TOM1L1: variants seen among roughly 807,000 people sequenced by gnomAD.
TOM1L1 encodes the protein TOM1-like protein 1.
In TOM1L1, 64 loss-of-function variants were observed where a neutral mutation model predicts 63.4. The observed-to-expected ratio is 1.01, with a 90% CI of 0.83 to 1.24. TOM1L1 has a LOEUF of 1.24. Ranked by LOEUF, TOM1L1 falls within the 50% of genes most tolerant of loss-of-function variation. TOM1L1 has a pLI of 0.00. For synonymous variants in TOM1L1, 166 were observed against 194.4 expected, an observed-to-expected ratio of 0.85 and a Z score of 1.22; for missense variants, 536 against 567.0, an observed-to-expected ratio of 0.95 and a Z score of 0.55.
chr17:54,930,116 A>T lies in TOM1L1; in HGVS notation c.764A>T (p.Asp255Val). 1 of 1,614,112 alleles carries T rather than the reference A, an allele frequency of 6.2e-7. No individual in the cohort carries two copies. The highest frequency in any genetic ancestry group is 8.5e-7 in the Non-Finnish European group (1 of 1,180,004). ...CGGGAGATGCAGGAGAGGATCATGGACCTGCTTGTGGTGGTGGAGAACGAA... is the reference window on the plus strand; with the variant it reads ...CGGGAGATGCAGGAGAGGATCATGGTCCTGCTTGTGGTGGTGGAGAACGAA... ...TGREMQERIM[D>V]LLVVVENEDV... Residue 255 changes from aspartate to valine, a missense_variant, in exon 8 of 16, where the codon GAC becomes GTC. Asp to Val is a radical substitution (Grantham distance 152). Transcript: ENST00000575882.
intron 11 of TOM1L1, among the ~76,000 whole-genome samples, chr17:54,943,975 CT>C (rs1166952043): frequency 6.8e-6 from 1 of 148,106 alleles, no homozygotes; most frequent in African/African-American, 2.5e-5. Context: ...GAGACTCTGT[CT>C]CAAATAAATA....
At chr17:54,943,550 G>C (rs1349234114) in intron 11 of TOM1L1, among the ~76,000 whole-genome samples, 1 of 148,554 alleles carries the variant, frequency 6.7e-6, no homozygotes, top group Non-Finnish European at 1.5e-5. Context: ...TGCTAATTTT[G>C]TTAGCAAAAT....
intron 11 of TOM1L1, 76 bp from the exon 12 acceptor site, chr17:54,947,185 C>G: frequency 1.4e-6 from 2 of 1,434,342 alleles, no homozygotes; most frequent in South Asian, 2.3e-5. Context: ...TGTTTTTAGA[C>G]TAGGAAAATT....
At chr17:54,927,388 C>A (rs937095354) in intron 7 of TOM1L1, among the ~76,000 whole-genome samples, 2 of 152,110 alleles carry the variant, frequency 1.3e-5, no homozygotes, top group African/African-American at 4.8e-5. Flanking sequence ...CTCTCTTGGT[C>A]AATGTGGGAT....
chr17:54,938,901 A>G, intron 10 of TOM1L1, 23 bp from the exon 11 acceptor site: 1 of 1,508,948 alleles, frequency 6.6e-7, no homozygotes, highest in Non-Finnish European at 9.2e-7. Flanking sequence ...TTTAAAGCCA[A>G]ACAAGTCCAT....
At chr17:54,960,038 A>G (rs1306376906) in intron 14 of TOM1L1, among the ~76,000 whole-genome samples, 1 of 152,180 alleles carries the variant, frequency 6.6e-6, no homozygotes, top group African/African-American at 2.4e-5. Context: ...AATTGGTTCT[A>G]TGAAATACAT....
chr17:54,905,527 C>G lies in TOM1L1; in HGVS notation c.182C>G (p.Ser61Cys), dbSNP rs1338683590. The change falls in exon 3 of 16, where the codon TCC (serine) becomes TGC (cysteine). Residue 61 changes from serine to cysteine, a missense_variant. By Grantham distance (112) the Ser-to-Cys change is moderately radical. Transcript: ENST00000575882. ...DAVKALKKRI[S>C]KNYNHKEIQL... ...GTGAAAGCTTTGAAGAAAAGGATTTCCAAAAACTACAATCATAAAGAAATC... is the reference window on the plus strand; with the variant it reads ...GTGAAAGCTTTGAAGAAAAGGATTTGCAAAAACTACAATCATAAAGAAATC... 2 of 1,611,760 alleles carry G rather than the reference C, an allele frequency of 1.2e-6. No individual in the cohort carries two copies. Among genetic ancestry groups the G allele is most frequent in the African/African-American group, 2.7e-5 (2 of 74,800 alleles).
intron 8 of TOM1L1, among the ~76,000 whole-genome samples, chr17:54,931,960 G>GTTTTTTTTTTTT (rs1567832256): frequency 3.5e-5 from 2 of 57,758 alleles, no homozygotes; most frequent in African/African-American, 9.5e-5. Context: ...TTTTTTTTTT[G>GTTTTTTTTTTTT]TTTGTTTGTT....
intron 8 of TOM1L1, among the ~76,000 whole-genome samples, chr17:54,930,990 T>C (rs1448067352): frequency 6.6e-6 from 1 of 152,022 alleles, no homozygotes; most frequent in Non-Finnish European, 1.5e-5. Flanking sequence ...TGGTGAGCTA[T>C]GATCGCATCA....
intron 14 of TOM1L1, chr17:54,954,699 C>T (rs1164748035): frequency 1.3e-5 from 2 of 152,220 alleles, no homozygotes; most frequent in Admixed American, 6.5e-5. Flanking sequence ...TTACTTGTTC[C>T]CTTCCCTATA....
Position 54,921,463 on chromosome 17 carries a change from G to A in TOM1L1, c.720+5601G>A, listed in dbSNP as rs1311106532. 5.9e-5 allele frequency among the ~76,000 whole-genome samples: 9 copies of A among 152,078 alleles called. 1 individual carries two copies. Among genetic ancestry groups the A allele is most frequent in the African/African-American group, 1.2e-4 (5 of 41,390 alleles). On this transcript the variant is annotated intron_variant, in intron 7 of 15. Coordinates refer to ENST00000575882, the MANE Select transcript of TOM1L1 (RefSeq NM_005486.3). ...TGGCATTTATATACATTCAGGGCCC[G>A]GCGTGGTGGCTCACATCTGTAATCC...
intron 14 of TOM1L1, among the ~76,000 whole-genome samples, chr17:54,955,318 A>C (rs1330396769): frequency 6.6e-6 from 1 of 152,120 alleles, no homozygotes; most frequent in East Asian, 1.9e-4. Flanking sequence ...GGTGGTGGGG[A>C]GGTAGGTAAA....
intron 14 of TOM1L1, among the ~76,000 whole-genome samples, chr17:54,960,255 C>T (rs953133020): frequency 6.6e-6 from 1 of 152,070 alleles, no homozygotes; most frequent in Non-Finnish European, 1.5e-5. Context: ...ATCCCAGCTA[C>T]TCGTGGGGCT....
intron 6 of TOM1L1, among the ~76,000 whole-genome samples, chr17:54,915,025 G>A (rs1029016711): frequency 1.3e-5 from 2 of 152,194 alleles, no homozygotes; most frequent in Non-Finnish European, 2.9e-5. Context: ...ACTGGATCTA[G>A]GGTCCATCAG....
chr17:54,912,843 G>T, intron 4 of TOM1L1, 28 bp downstream of exon 4: 1 of 1,500,606 alleles, frequency 6.7e-7, no homozygotes, highest in Admixed American at 2.4e-5. Context: ...CTCATGGGAT[G>T]GTAAATTTCT....
In TOM1L1 at chr17:54,905,487, A is replaced by G; in HGVS notation, c.144-2A>G. 1 of 1,606,720 alleles carries G rather than the reference A, an allele frequency of 6.2e-7. No individual in the cohort carries two copies. Among genetic ancestry groups the G allele is most frequent in the Non-Finnish European group, 8.5e-7 (1 of 1,175,582 alleles). On this transcript the variant is annotated splice_acceptor_variant, in intron 2 of 15. Coordinates refer to ENST00000575882, the MANE Select transcript of TOM1L1 (RefSeq NM_005486.3). LOFTEE classifies it high-confidence loss of function. ...GTGATTTCAGTGTATTTATTGCTATAGGCCAAAAGATGCAGTGAAAGCTTT... is the reference window on the plus strand; with the variant it reads ...GTGATTTCAGTGTATTTATTGCTATGGGCCAAAAGATGCAGTGAAAGCTTT...
chr17:54,948,054 A>G (rs1598053442), intron 12 of TOM1L1, among the ~76,000 whole-genome samples: 1 of 152,268 alleles, frequency 6.6e-6, no homozygotes, highest in East Asian at 1.9e-4. Flanking sequence ...ACCTTGGGTA[A>G]TAGCGCTTGA....
At chr17:54,913,615 G>C (rs2048531830) in intron 4 of TOM1L1, 133 bp from the exon 5 acceptor site, 7 of 923,652 alleles carry the variant, frequency 7.6e-6, no homozygotes, top group Non-Finnish European at 9.0e-6. Flanking sequence ...GCAATGAGCA[G>C]AGATTGTGCC....
At chr17:54,920,090 T>C (rs2048658840) in intron 7 of TOM1L1, among the ~76,000 whole-genome samples, 1 of 152,156 alleles carries the variant, frequency 6.6e-6, no homozygotes, top group Non-Finnish European at 1.5e-5. Flanking sequence ...AGGTTTCTCA[T>C]ACCCATCTGA....
Sources: allele counts gnomAD v4.1 joint callset (sites outside exome capture counted in the v4.1 genomes callset), GRCh38; gene constraint gnomAD v4.1.1; transcripts MANE v1.5; gene names NCBI Gene and HGNC (gene_info 2026-07-23, HGNC 2026-07-21).